SLC26A7: variants seen among roughly 807,000 people sequenced by gnomAD.
SLC26A7 encodes the protein anion exchange transporter.
SLC26A7 carries 59 observed loss-of-function variants against 82.5 expected under a neutral mutation model. The ratio of observed to expected loss-of-function variants is 0.72; its 90% CI spans 0.58 to 0.89. The LOEUF (loss-of-function observed/expected upper bound fraction) is 0.89, where lower values mean the gene tolerates loss of function less well. SLC26A7 is among the 40% of genes least tolerant of loss of function. The probability of loss-of-function intolerance (pLI) is 0.00; values close to 1 mark genes in which losing one functional copy is unlikely to be tolerated. For synonymous variants in SLC26A7, 271 were observed against 274.3 expected (o/e 0.99, Z 0.12); for missense variants, 820 against 793.0 (o/e 1.03, Z -0.41).
At chr8:91,266,313 G>A (rs1227667492) in intron 2 of SLC26A7, among the ~76,000 whole-genome samples, 1 of 151,742 alleles carries the variant, frequency 6.6e-6, no homozygotes, top group Non-Finnish European at 1.5e-5. Flanking sequence ...TTAATCTGTA[G>A]ATTTCTTTGG....
chr8:91,358,925 G>T (rs1030058854), intron 11 of SLC26A7, among the ~76,000 whole-genome samples: 11 of 152,066 alleles, frequency 7.2e-5, no homozygotes, highest in Admixed American at 2.0e-4. Context: ...CACCAGGGCC[G>T]GTTGTGGGTT....
chr8:91,287,299 T>C (rs1274232257), intron 2 of SLC26A7, among the ~76,000 whole-genome samples: 6 of 152,212 alleles, frequency 3.9e-5, no homozygotes, highest in South Asian at 4.1e-4. Flanking sequence ...ACTAAGTTTG[T>C]TATAGATTTT....
intron 4 of SLC26A7, among the ~76,000 whole-genome samples, chr8:91,306,424 C>G (rs1812310433): frequency 6.6e-6 from 1 of 152,176 alleles, no homozygotes; most frequent in South Asian, 2.1e-4. Flanking sequence ...GATTCGGGAA[C>G]TCTTCATGAA....
intron 2 of SLC26A7, among the ~76,000 whole-genome samples, chr8:91,230,721 A>G (rs1469990031): frequency 2.6e-5 from 4 of 152,250 alleles, no homozygotes; most frequent in Non-Finnish European, 5.9e-5. Flanking sequence ...AATGTTTGTA[A>G]TAGATGTCAT....
At chr8:91,264,593 C>T (rs1386543733) in intron 2 of SLC26A7, among the ~76,000 whole-genome samples, 1 of 151,946 alleles carries the variant, frequency 6.6e-6, no homozygotes, top group South Asian at 2.1e-4. Context: ...GATGTTGTTT[C>T]TATTGTTGAT....
rs548558282 is a variant in SLC26A7, at chr8:91,227,240, C to T, written c.-34+8235C>T. ...GAAGTTAAAGCAACTGGAGAAATAA[C>T]TTCTTGTGAATTATCTAGCTTCAAT... is the stretch of plus-strand genomic sequence containing the variant. On this transcript the variant is annotated intron_variant, in intron 2 of 5. Coordinates refer to the SLC26A7 transcript ENST00000522862. 5.9e-5 allele frequency among the ~76,000 whole-genome samples: 9 copies of T among 152,312 alleles called. 1 individual carries two copies. The East Asian group carries it at 1.7e-3, about 29-fold the overall frequency.
intron 2 of SLC26A7, among the ~76,000 whole-genome samples, chr8:91,223,874 T>G (rs758352349): frequency 6.6e-6 from 1 of 152,066 alleles, no homozygotes; most frequent in Non-Finnish European, 1.5e-5. Context: ...TGTTCATTCC[T>G]TTTTATTCTT....
intron 2 of SLC26A7, among the ~76,000 whole-genome samples, chr8:91,263,924 T>C (rs570013126): frequency 2.0e-5 from 3 of 152,180 alleles, no homozygotes; most frequent in Admixed American, 2.0e-4. Context: ...TCAATAAATA[T>C]TAGTTGAATA....
At chr8:91,233,102 G>A (rs139585529) in intron 2 of SLC26A7, among the ~76,000 whole-genome samples, 334 of 152,218 alleles carry the variant, frequency 2.2e-3, no homozygotes, top group African/African-American at 7.5e-3. Flanking sequence ...TTGATATCCT[G>A]GTGAGACCCT....
chr8:91,362,836 C>T (rs978909075), intron 12 of SLC26A7, among the ~76,000 whole-genome samples: 1 of 151,992 alleles, frequency 6.6e-6, no homozygotes, highest in African/African-American at 2.4e-5. Flanking sequence ...TAAATAACTT[C>T]AGAAAATTTT....
At chr8:91,325,439 A>G (rs980887571) in intron 5 of SLC26A7, among the ~76,000 whole-genome samples, 3 of 152,120 alleles carry the variant, frequency 2.0e-5, no homozygotes, top group African/African-American at 7.2e-5. Context: ...CGGAGGGTGA[A>G]GGCACTGTAT....
At chr8:91,360,286 A>G (rs1348751861) in intron 11 of SLC26A7, among the ~76,000 whole-genome samples, 1 of 152,174 alleles carries the variant, frequency 6.6e-6, no homozygotes, top group Admixed American at 6.5e-5. Flanking sequence ...TCCCCTACTT[A>G]AGGTTAACAC....
intron 15 of SLC26A7, among the ~76,000 whole-genome samples, chr8:91,378,379 AAAT>A (rs1404324602): frequency 6.8e-6 from 1 of 147,054 alleles, no homozygotes; most frequent in Non-Finnish European, 1.5e-5. Flanking sequence ...ATATTTATAT[AAAT>A]AATATATATT....
intron 1 of SLC26A7, among the ~76,000 whole-genome samples, chr8:91,216,820 G>A (rs28539046): frequency 0.051 from 7,819 of 152,042 alleles, 239 homozygotes; most frequent in African/African-American, 0.079. Context: ...CTGGACTAAT[G>A]TATTGTTGAT....
At chr8:91,323,284 G>A (rs1812841167) in intron 5 of SLC26A7, among the ~76,000 whole-genome samples, 2 of 152,158 alleles carry the variant, frequency 1.3e-5, no homozygotes, top group African/African-American at 4.8e-5. Context: ...TAGAAGATGT[G>A]GCAGGTTTAA....
At chr8:91,341,945 C>T (rs1415327027) in intron 8 of SLC26A7, among the ~76,000 whole-genome samples, 1 of 151,960 alleles carries the variant, frequency 6.6e-6, no homozygotes, top group East Asian at 1.9e-4. Context: ...TTTTTGTTTT[C>T]TAGAGACAAA....
At chr8:91,370,320 CTCTT>C (rs966839434) in intron 15 of SLC26A7, among the ~76,000 whole-genome samples, 2 of 151,708 alleles carry the variant, frequency 1.3e-5, no homozygotes, top group East Asian at 1.9e-4. Context: ...CCTTTTCCCT[CTCTT>C]TCTTCTTCCT....
chr8:91,305,497 G>T (rs1380538603), intron 4 of SLC26A7, among the ~76,000 whole-genome samples: 1 of 152,050 alleles, frequency 6.6e-6, no homozygotes, highest in Admixed American at 6.6e-5. Flanking sequence ...ATAATATCAT[G>T]CTTCCAATCA....
At chr8:91,306,709 T>G (rs1812318700) in intron 4 of SLC26A7, among the ~76,000 whole-genome samples, 1 of 148,882 alleles carries the variant, frequency 6.7e-6, no homozygotes, top group African/African-American at 2.5e-5. Context: ...TATCCAGATT[T>G]CCTTATTTTT....
Sources: allele counts gnomAD v4.1 joint callset (sites outside exome capture counted in the v4.1 genomes callset), GRCh38; gene constraint gnomAD v4.1.1; transcripts MANE v1.5; gene names NCBI Gene and HGNC (gene_info 2026-07-23, HGNC 2026-07-21).